GRIN1: variants seen among roughly 807,000 people sequenced by gnomAD.
GRIN1 encodes the protein glutamate ionotropic receptor NMDA type subunit 1.
In GRIN1, 38 loss-of-function variants were observed where a neutral mutation model predicts 103.0. The observed-to-expected ratio is 0.37, with a 90% confidence interval of 0.28 to 0.48. The LOEUF (loss-of-function observed/expected upper bound fraction) is 0.48. Among genes scored for constraint, GRIN1 ranks in the 20% least tolerant of loss-of-function variants. GRIN1 has a pLI of 0.98. For missense variants in GRIN1, 577 were observed against 1,288.9 expected, an observed-to-expected ratio of 0.45 and a Z score of 8.46; for synonymous variants, 544 against 532.7, an observed-to-expected ratio of 1.02 and a Z score of -0.29.
At chr9:137,144,814 G>A (rs1564343958) in intron 2 of GRIN1, among the ~76,000 whole-genome samples, 27 of 9,642 alleles carry the variant, frequency 2.8e-3, no homozygotes, top group South Asian at 4.4e-3. Flanking sequence ...GGAGACACGA[G>A]GGGGTCCCAG....
chr9:137,167,032 C>T (rs886671445), intron 19 of GRIN1, among the ~76,000 whole-genome samples: 5 of 152,212 alleles, frequency 3.3e-5, no homozygotes, highest in South Asian at 2.1e-4. Flanking sequence ...TGGTGCCCTC[C>T]CAGGGACATG....
At chr9:137,143,439 C>A (rs1182773161) in intron 2 of GRIN1, among the ~76,000 whole-genome samples, 4 of 152,246 alleles carry the variant, frequency 2.6e-5, no homozygotes, top group Non-Finnish European at 5.9e-5. Context: ...TCAGGCACGA[C>A]CTCCTTCGCC....
intron 6 of GRIN1, among the ~76,000 whole-genome samples, chr9:137,158,152 G>A (rs547290222): frequency 3.9e-5 from 6 of 152,350 alleles, no homozygotes; most frequent in African/African-American, 9.6e-5. Context: ...GAACCACACC[G>A]TCCATCTGGT....
intron 6 of GRIN1, among the ~76,000 whole-genome samples, chr9:137,157,238 G>A (rs1364816152): frequency 1.3e-5 from 2 of 151,476 alleles, no homozygotes; most frequent in Admixed American, 6.6e-5. Context: ...GGCACTCTCG[G>A]GGAGGTGGGC....
intron 3 of GRIN1, among the ~76,000 whole-genome samples, chr9:137,147,549 A>C (rs1832619652): frequency 6.6e-6 from 1 of 151,874 alleles, no homozygotes; most frequent in South Asian, 2.1e-4. Context: ...CCCTTCCCCA[A>C]CCTTCACAGG....
intron 4 of GRIN1, among the ~76,000 whole-genome samples, chr9:137,153,973 G>A (rs1324609922): frequency 2.6e-5 from 4 of 151,934 alleles, no homozygotes; most frequent in Admixed American, 6.6e-5. Context: ...CACCATGCCC[G>A]GCTAATTTTT....
rs1283829817 is a variant in GRIN1 at position 137,168,645 on chromosome 9, G to A, written c.*1118G>A. 5.6e-6 allele frequency: 2 copies of A among 358,076 alleles called. No individual in the cohort carries two copies. Among genetic ancestry groups the A allele is most frequent in the Non-Finnish European group, 9.7e-6 (2 of 206,594 alleles). The allele number at this position is 358,076 out of a possible 1,614,324, so 22.2% of individuals were successfully genotyped here. ...GGGCCCGAGCGCGTGCCTTCCCCGT[G>A]CGGCCCGTGCGCAGCCGCGCTCTGC... On this transcript the variant is annotated 3_prime_UTR_variant, in exon 20 of 20. Transcript: ENST00000371561.
chr9:137,152,591 T>C (rs935475251), intron 4 of GRIN1, among the ~76,000 whole-genome samples: 8 of 152,232 alleles, frequency 5.3e-5, no homozygotes, highest in South Asian at 4.2e-4. Context: ...CACTTTTTTT[T>C]CTCGGCCTGT....
chr9:137,163,646 C>T lies in GRIN1; in HGVS notation c.2421C>T (p.Thr807=). ...ECDSRSNAPA[T]LTFENMAGVF... The stretch of plus-strand genomic sequence containing the variant: ...ACTCGCGCAGCAACGCCCCTGCGAC[C>T]CTTACTTTTGAGAACATGGCCGGTG... Residue 807 remains threonine (T), a synonymous_variant, in exon 17 of 20, where the codon ACC becomes ACT. Coordinates refer to ENST00000371561, the MANE Select transcript of GRIN1 (RefSeq NM_007327.4). 1 of 1,613,610 alleles carries T rather than the reference C, an allele frequency of 6.2e-7. No homozygotes were observed. The highest frequency in any genetic ancestry group is 8.5e-7 in the Non-Finnish European group (1 of 1,179,790).
chr9:137,151,460 A>G (rs1486404388), intron 4 of GRIN1, among the ~76,000 whole-genome samples: 4 of 143,842 alleles, frequency 2.8e-5, no homozygotes, highest in African/African-American at 1.0e-4. Context: ...CCAACCCAGA[A>G]GAAAGCCCCA....
At position 137,150,077 on chromosome 9, in the gene GRIN1, T is replaced by C. The variant is rs185621038; in HGVS notation, c.671+968T>C. On this transcript the variant is annotated intron_variant, in intron 4 of 19. Coordinates refer to ENST00000371561, the MANE Select transcript of GRIN1 (RefSeq NM_007327.4). ...CCAAGGTAGGGTTGTTGCTTAGAGC[T>C]GCCCACGGGGCCTTACATGCTCCTC... is the stretch of plus-strand genomic sequence containing the variant. Among the ~76,000 whole-genome samples, 301 of 152,286 alleles carry C rather than the reference T, an allele frequency of 2.0e-3. 1 individual carries two copies. Among genetic ancestry groups the C allele is most frequent in the African/African-American group, 7.0e-3 (292 of 41,540 alleles).
intron 8 of GRIN1, among the ~76,000 whole-genome samples, chr9:137,159,203 C>T (rs899213686): frequency 1.3e-5 from 2 of 152,152 alleles, no homozygotes; most frequent in Admixed American, 1.3e-4. Context: ...TCCTCCAGAA[C>T]ATCTTTCCCT....
At chr9:137,164,783 C>G (rs1272972978) in intron 18 of GRIN1, 1 of 263,104 alleles carries the variant, frequency 3.8e-6, no homozygotes, top group Non-Finnish European at 7.5e-6. Flanking sequence ...CGGCCCCTTC[C>G]TGAATCTTGG....
rs897220451 is a variant in GRIN1, at chr9:137,158,231, G to A, written c.969-148G>A. 8 of 862,612 alleles carry A rather than the reference G, an allele frequency of 9.3e-6. No homozygotes were observed. In the African/African-American group the frequency reaches 1.2e-4, roughly 13 times the overall value. 53.4% of individuals were successfully genotyped at this position (862,612 alleles called of 1,614,324 possible). A position where few individuals can be genotyped will look rare whatever the true frequency, so the allele number is the denominator to read the frequency against. ...TTTCCGTTCTTGGGACTGGGACAAG[G>A]GAAAAGCCCAAGCTGCTCAGCCGGC... On this transcript the variant is annotated intron_variant, in intron 6 of 19. Transcript: ENST00000371561.
chr9:137,140,308 G>C lies in GRIN1; in HGVS notation c.258+564G>C, dbSNP rs571528986. On this transcript the variant is annotated intron_variant, in intron 1 of 19. Transcript: ENST00000371561. ...GGAGCTGTCGGCAGCCAGCGCTGCG[G>C]GGGAGGACGTGGCTCCTGGGATTTT... Among the ~76,000 whole-genome samples, 18 of 152,316 alleles carry C rather than the reference G, an allele frequency of 1.2e-4. No homozygotes were observed. In the East Asian group the frequency reaches 3.3e-3, roughly 28 times the overall value.
intron 16 of GRIN1, 48 bp downstream of exon 16, chr9:137,163,378 G>A (rs780091424): frequency 6.2e-7 from 1 of 1,603,160 alleles, no homozygotes; most frequent in Non-Finnish European, 8.5e-7. Context: ...CTCCGCCAGA[G>A]GTGGACGCCC....
chr9:137,142,419 G>A (rs1186518200), intron 2 of GRIN1, among the ~76,000 whole-genome samples: 1 of 152,230 alleles, frequency 6.6e-6, no homozygotes, highest in Non-Finnish European at 1.5e-5. Context: ...CGTGCCCCCA[G>A]CCCAGAGCAG....
chr9:137,139,502 C>T lies in GRIN1; in HGVS notation c.16C>T (p.Leu6=), dbSNP rs749261070. The change falls in exon 1 of 20, where the codon CTG becomes TTG. Residue 6 remains leucine (L), a synonymous_variant. Transcript: ENST00000371561. The surrounding 1 kb of genome is among the most constrained non-coding windows in gnomAD (Gnocchi z 7.7). ...GCCCGAGCCCATGAGCACCATGCGCCTGCTGACGCTCGCCCTGCTGTTCTC... is the reference window on the plus strand; with the variant it reads ...GCCCGAGCCCATGAGCACCATGCGCTTGCTGACGCTCGCCCTGCTGTTCTC... MSTMR[L]LTLALLFSCS... 3 of 1,597,596 alleles carry T rather than the reference C, an allele frequency of 1.9e-6. No individual in the cohort carries two copies. Among genetic ancestry groups the T allele is most frequent in the Non-Finnish European group, 1.7e-6 (2 of 1,172,138 alleles).
rs56085663 is a variant in GRIN1, at chr9:137,142,459, TCACACATCACA to T, written c.393+327_393+337del. Among the ~76,000 whole-genome samples the T allele has an allele frequency of 0.048, 7,217 of 151,928 alleles. 248 individuals are homozygous for T. Among genetic ancestry groups the T allele is most frequent in the Non-Finnish European group, 0.076 (5,163 of 67,908 alleles). ...AAGGGAGGGGGCACACATCACACAC[TCACACATCACA>T]CACACATCACACACTCACACATTCA... On this transcript the variant is annotated intron_variant, in intron 2 of 19. Transcript: ENST00000371561.
Sources: allele counts gnomAD v4.1 joint callset (sites outside exome capture counted in the v4.1 genomes callset), GRCh38; gene constraint gnomAD v4.1.1; non-coding constraint Gnocchi (gnomAD v3.1); transcripts MANE v1.5; gene names NCBI Gene and HGNC (gene_info 2026-07-23, HGNC 2026-07-21).